The following SAMD12 variants were observed in gnomAD, a reference collection of about 807,000 sequenced individuals.
SAMD12 encodes the protein sterile alpha motif domain-containing protein 12.
Under a neutral mutation model 15.0 loss-of-function variants are expected in SAMD12, and 9 were observed. That is an observed-to-expected ratio of 0.60 (90% CI 0.36 to 1.05). The LOEUF (loss-of-function observed/expected upper bound fraction) is 1.05. Ranked by LOEUF, SAMD12 falls within the 50% of genes least tolerant of loss-of-function variation. SAMD12 has a pLI of 0.01. For missense variants in SAMD12, 230 were observed against 234.2 expected (o/e 0.98, Z 0.12); for synonymous variants, 86 against 90.1 (o/e 0.96, Z 0.25).
At chr8:118,465,829 G>C (rs577229161) in intron 2 of SAMD12, among the ~76,000 whole-genome samples, 1 of 152,018 alleles carries the variant, frequency 6.6e-6, no homozygotes, top group Non-Finnish European at 1.5e-5. Flanking sequence ...CTAGGACTTC[G>C]AGTTTTAAAA....
chr8:118,430,320 G>C (rs1160466792), intron 3 of SAMD12, among the ~76,000 whole-genome samples: 1 of 150,818 alleles, frequency 6.6e-6, no homozygotes, highest in Non-Finnish European at 1.5e-5. Flanking sequence ...CAAATGTTTA[G>C]AATTGTTACG....
rs1264419182 is a variant in SAMD12 at position 118,616,316 on chromosome 8, A to G, written c.13+5488T>C. On this transcript the variant is annotated intron_variant, in intron 1 of 3. Coordinates refer to ENST00000314727, the MANE Select transcript of SAMD12 (RefSeq NM_207506.3). The stretch of plus-strand genomic sequence containing the variant: ...ATCAAAAGCAGTCATAAACCCACCC[A>G]TTCCTTCATTTGTCTCCATTCATTC... 2.0e-5 allele frequency among the ~76,000 whole-genome samples: 3 copies of G among 152,270 alleles called. No individual in the cohort carries two copies. The East Asian group carries it at 5.8e-4, about 29-fold the overall frequency.
chr8:118,575,939 T>C (rs1190441677), intron 2 of SAMD12, among the ~76,000 whole-genome samples: 1 of 151,938 alleles, frequency 6.6e-6, no homozygotes, highest in African/African-American at 2.4e-5. Context: ...CAAATTCCAA[T>C]CATCAGAGCA....
At chr8:118,277,959 C>A (rs989058662) in intron 4 of SAMD12, among the ~76,000 whole-genome samples, 12 of 152,170 alleles carry the variant, frequency 7.9e-5, no homozygotes, top group African/African-American at 2.9e-4. Context: ...ATTTACCCAG[C>A]ACTGGTTAGA....
chr8:118,387,134 C>A (rs575889990), intron 3 of SAMD12, among the ~76,000 whole-genome samples: 3 of 152,284 alleles, frequency 2.0e-5, no homozygotes, highest in South Asian at 4.1e-4. Context: ...CAACCAGTGT[C>A]CCCTAGCCCA....
chr8:118,141,659 G>T, the SAMD12 span, among the ~76,000 whole-genome samples: 1 of 152,246 alleles, frequency 6.6e-6, no homozygotes, highest in Non-Finnish European at 1.5e-5. Flanking sequence ...GAATAGTTTT[G>T]ATGTAAAGAG....
chr8:118,585,768 G>A (rs1355327229), intron 1 of SAMD12, among the ~76,000 whole-genome samples: 7 of 152,186 alleles, frequency 4.6e-5, no homozygotes, highest in African/African-American at 7.2e-5. Context: ...ATGAGCCTGG[G>A]CTCTCCAAGG....
intron 2 of SAMD12, among the ~76,000 whole-genome samples, chr8:118,489,229 T>C (rs1824369929): frequency 6.6e-6 from 1 of 152,222 alleles, no homozygotes; most frequent in South Asian, 2.1e-4. Context: ...CTTCTTTATA[T>C]ACTCTGGATA....
At chr8:118,338,313 A>C (rs1410003577) in intron 4 of SAMD12, among the ~76,000 whole-genome samples, 3 of 152,386 alleles carry the variant, frequency 2.0e-5, no homozygotes, top group African/African-American at 7.2e-5. Context: ...TGGATGAAGT[A>C]TGCAGTCAGT....
intron 4 of SAMD12, among the ~76,000 whole-genome samples, chr8:118,330,404 G>A (rs922734145): frequency 6.6e-6 from 1 of 152,196 alleles, no homozygotes; most frequent in African/African-American, 2.4e-5. Flanking sequence ...CACAGCTTAA[G>A]AGTGCCTGGG....
rs1819528065 is a variant in SAMD12 at position 118,379,029 on chromosome 8, A to G, written c.*388T>C. 12 of 1,015,380 alleles carry G rather than the reference A, an allele frequency of 1.2e-5. 1 individual carries two copies. The Middle Eastern group carries it at 1.5e-3, about 126-fold the overall frequency. 62.9% of individuals were successfully genotyped at this position (1,015,380 alleles called of 1,614,324 possible). A position where few individuals can be genotyped will look rare whatever the true frequency, so the allele number is the denominator to read the frequency against. ...TAAAGTGTGTGTGTATAATACATTC[A>G]TGTATAGTAATACATATCTAAAATG... On this transcript the variant is annotated 3_prime_UTR_variant, in exon 4 of 4. Coordinates refer to ENST00000314727, the MANE Select transcript of SAMD12 (RefSeq NM_207506.3).
At chr8:118,329,557 C>T (rs1816718443) in intron 4 of SAMD12, among the ~76,000 whole-genome samples, 1 of 152,138 alleles carries the variant, frequency 6.6e-6, no homozygotes, top group Non-Finnish European at 1.5e-5. Flanking sequence ...CACTCTCCAT[C>T]TACGATTATC....
intron 2 of SAMD12, among the ~76,000 whole-genome samples, chr8:118,540,514 T>C (rs1205881370): frequency 1.3e-5 from 2 of 152,130 alleles, no homozygotes; most frequent in Non-Finnish European, 2.9e-5. Context: ...CAGGGGTGTG[T>C]TGGCTATGTG....
At chr8:118,157,394 A>C in the SAMD12 span, among the ~76,000 whole-genome samples, 1 of 152,334 alleles carries the variant, frequency 6.6e-6, no homozygotes, top group Admixed American at 6.5e-5. Flanking sequence ...CAATACCAGG[A>C]TAATGGTTAC....
chr8:118,610,199 T>C (rs908909639), intron 1 of SAMD12, among the ~76,000 whole-genome samples: 3 of 152,102 alleles, frequency 2.0e-5, no homozygotes, highest in African/African-American at 7.2e-5. Context: ...AATGCAAAAG[T>C]GTAGAAAGCT....
chr8:118,544,089 T>C (rs1826060224), intron 2 of SAMD12, among the ~76,000 whole-genome samples: 1 of 151,796 alleles, frequency 6.6e-6, no homozygotes, highest in Admixed American at 6.6e-5. Context: ...ACTGAAACTC[T>C]CCATGGTTTA....
intron 4 of SAMD12, among the ~76,000 whole-genome samples, chr8:118,216,760 C>T (rs535311220): frequency 6.6e-6 from 1 of 152,272 alleles, no homozygotes; most frequent in Middle Eastern, 3.4e-3. Context: ...TTTTGGAAAT[C>T]TAGGTGCTTA....
intron 2 of SAMD12, among the ~76,000 whole-genome samples, chr8:118,453,172 A>T (rs1234781760): frequency 6.6e-6 from 1 of 152,152 alleles, no homozygotes; most frequent in African/African-American, 2.4e-5. Flanking sequence ...CTTTTATTAT[A>T]TATTGTCAAG....
intron 2 of SAMD12, among the ~76,000 whole-genome samples, chr8:118,469,369 C>G (rs1400377924): frequency 6.9e-6 from 1 of 145,066 alleles, no homozygotes; most frequent in East Asian, 2.0e-4. Context: ...ATGATTGGTT[C>G]AGTTTCCTTT....
Sources: gnomAD v4.1 joint callset for allele counts (sites outside exome capture counted in the v4.1 genomes callset) on GRCh38, gnomAD v4.1.1 for gene constraint, MANE v1.5 for transcripts, NCBI Gene and HGNC (gene_info 2026-07-23, HGNC 2026-07-21) for gene names.